Variants in FANCL observed in about 807,000 individuals in gnomAD.
The protein encoded by FANCL is E3 ubiquitin-protein ligase FANCL.
In FANCL, 69 loss-of-function variants were observed where a neutral mutation model predicts 59.4. The ratio of observed to expected loss-of-function variants is 1.16; its 90% confidence interval spans 0.96 to 1.42. The LOEUF (loss-of-function observed/expected upper bound fraction) is 1.42. FANCL is among the 40% of genes most tolerant of loss of function. The pLI is 0.00. For synonymous variants in FANCL, 180 were observed against 147.1 expected (o/e 1.22, Z -1.62); for missense variants, 519 against 447.2 (o/e 1.16, Z -1.45).
intron 9 of FANCL, 26 bp downstream of exon 9, chr2:58,163,408 A>G (rs1482113674): frequency 4.0e-6 from 6 of 1,489,900 alleles, no homozygotes; most frequent in South Asian, 1.1e-5. Context: ...CTCTATTAAA[A>G]AACGTTTAAA....
In FANCL at chr2:58,163,461, C is replaced by T; in HGVS notation, c.748G>A (p.Glu250Lys). 6.2e-7 allele frequency: 1 copy of T among 1,611,096 alleles called. No homozygotes were observed. The highest frequency in any genetic ancestry group is 1.7e-5 in the Admixed American group (1 of 59,930). ...VDPRHPTMLP[E>K]CFFLGADHVV... ...TGGTCAGCTCCAAGAAAGAAGCACT[C>T]AGGAAGCATAGTAGGATGCCTGGGG... The change falls in exon 9 of 14, where the codon GAG becomes AAG. Residue 250 changes from glutamate (E) to lysine (K), a missense_variant. Physicochemically the swap from Glu to Lys is moderately conservative, Grantham distance 56. Transcript: ENST00000233741.
At chr2:58,237,265 A>G in intron 1 of FANCL, among the ~76,000 whole-genome samples, 1 of 152,320 alleles carries the variant, frequency 6.6e-6, no homozygotes, top group East Asian at 1.9e-4. Context: ...TTTAAATCAT[A>G]CAAGTTATAT....
At chr2:58,169,405 C>A (rs114629764) in intron 7 of FANCL, among the ~76,000 whole-genome samples, 1,542 of 152,188 alleles carry the variant, frequency 0.01, 24 homozygotes, top group African/African-American at 0.034. Flanking sequence ...TGAAAGTCAA[C>A]AATATCAAAG....
chr2:58,195,027 A>G lies in FANCL; in HGVS notation c.540+3567T>C, dbSNP rs575522327. ...GCAGAAAGGGATTTTTAAAAAATCA[A>G]TTATCTGAAATCTATTTACCATCTC... On this transcript the variant is annotated intron_variant, in intron 7 of 13. Transcript: ENST00000233741. 3.3e-5 allele frequency among the ~76,000 whole-genome samples: 5 copies of G among 152,268 alleles called. No homozygotes were observed. The East Asian group carries it at 9.6e-4, about 29-fold the overall frequency.
At chr2:58,232,264 CAACACAAT>C in intron 1 of FANCL, 152 bp from the exon 2 acceptor site, 1 of 695,646 alleles carries the variant, frequency 1.4e-6, no homozygotes. Flanking sequence ...AAAATATATG[CAACACAAT>C]ATTGCATTTG....
chr2:58,173,143 G>C (rs1020483227), intron 7 of FANCL, among the ~76,000 whole-genome samples: 3 of 152,184 alleles, frequency 2.0e-5, no homozygotes, highest in African/African-American at 7.2e-5. Flanking sequence ...CATGTGAAAA[G>C]ACCAAACCTA....
chr2:58,190,712 G>T (rs1234345440), intron 7 of FANCL, among the ~76,000 whole-genome samples: 1 of 151,866 alleles, frequency 6.6e-6, no homozygotes, highest in South Asian at 2.1e-4. Context: ...GCTGCTAGCT[G>T]ACAATGTTAT....
intron 4 of FANCL, among the ~76,000 whole-genome samples, chr2:58,224,255 T>G (rs1490008518): frequency 6.6e-6 from 1 of 151,818 alleles, no homozygotes. Flanking sequence ...TAGTCTCTCC[T>G]TGTATTTGTA....
At chr2:58,166,701 C>T (rs11903456) in intron 7 of FANCL, among the ~76,000 whole-genome samples, 55,004 of 152,108 alleles carry the variant, frequency 0.36, 13,803 homozygotes, top group African/African-American at 0.72. Context: ...ATACTACAAA[C>T]GTTTTCAATC....
intron 5 of FANCL, among the ~76,000 whole-genome samples, chr2:58,206,736 G>A (rs1690623298): frequency 6.6e-6 from 1 of 152,134 alleles, no homozygotes; most frequent in Non-Finnish European, 1.5e-5. Flanking sequence ...AGCCAAAATG[G>A]CCATGAGGTT....
In FANCL at chr2:58,160,195, G is replaced by C; in HGVS notation, c.1021-16C>G. On this transcript the variant is annotated splice_polypyrimidine_tract_variant and intron_variant, in intron 12 of 13. Transcript: ENST00000233741. ...CTCTCAGCCACTGCAAATTTTAAAA[G>C]ATAAAGGAGAAGCGTCAGCATGATT... 1.9e-6 allele frequency: 3 copies of C among 1,611,200 alleles called. No homozygotes were observed. The highest frequency in any genetic ancestry group is 2.5e-6 in the Non-Finnish European group (3 of 1,177,646).
intron 12 of FANCL, among the ~76,000 whole-genome samples, chr2:58,160,844 A>C (rs556111114): frequency 6.6e-6 from 1 of 152,148 alleles, no homozygotes; most frequent in Admixed American, 6.5e-5. Context: ...CTCTAATCAC[A>C]AAAGTAAAGA....
Position 58,226,647 on chromosome 2 carries a change from T to C in FANCL, c.273+81A>G, listed in dbSNP as rs1040476406. The C allele has an allele frequency of 3.5e-5, 34 of 977,906 alleles. No homozygotes were observed. In the Admixed American group the frequency reaches 6.4e-4, roughly 18 times the overall value. The allele number at this position is 977,906 out of a possible 1,614,324, so 60.6% of individuals were successfully genotyped here. A position where few individuals can be genotyped will look rare whatever the true frequency, so the allele number is the denominator to read the frequency against. The stretch of plus-strand genomic sequence containing the variant: ...GAGTTAAGAAGACAAATTCTAATAA[T>C]GTCAGTTTTTAAAGGAGTTACAAAA... On this transcript the variant is annotated intron_variant, in intron 4 of 13. Coordinates refer to ENST00000233741, the MANE Select transcript of FANCL (RefSeq NM_018062.4).
At chr2:58,173,994 C>T (rs1686982631) in intron 7 of FANCL, among the ~76,000 whole-genome samples, 3 of 151,964 alleles carry the variant, frequency 2.0e-5, no homozygotes, top group Admixed American at 2.0e-4. Flanking sequence ...ATCCTAGTCT[C>T]TGATAAAACA....
intron 7 of FANCL, among the ~76,000 whole-genome samples, chr2:58,180,607 G>C (rs551962355): frequency 6.6e-6 from 1 of 152,042 alleles, no homozygotes; most frequent in African/African-American, 2.4e-5. Context: ...ACCTAATGTA[G>C]ATGTCGGGTT....
intron 6 of FANCL, among the ~76,000 whole-genome samples, chr2:58,201,246 GTAATTTACAACAACAAAA>G (rs1689988293): frequency 6.6e-6 from 1 of 151,292 alleles, no homozygotes; most frequent in Non-Finnish European, 1.5e-5. Context: ...CCTTTCAAAA[GTAATTTACAACAACAAAA>G]GCTCCATATC....
At chr2:58,222,310 C>T (rs1413382223) in intron 4 of FANCL, among the ~76,000 whole-genome samples, 1 of 100,278 alleles carries the variant, frequency 1.0e-5, no homozygotes, top group Non-Finnish European at 1.9e-5. Flanking sequence ...TTATGCCTAT[C>T]GGAGATAAAA....
intron 6 of FANCL, among the ~76,000 whole-genome samples, chr2:58,203,439 T>C (rs17049407): frequency 0.016 from 2,441 of 152,102 alleles, 81 homozygotes; most frequent in African/African-American, 0.057. Context: ...CCTGGTTTTC[T>C]TCAAATTCTC....
intron 7 of FANCL, among the ~76,000 whole-genome samples, chr2:58,174,989 GAGA>G (rs1183618257): frequency 1.3e-5 from 2 of 152,092 alleles, no homozygotes; most frequent in Non-Finnish European, 2.9e-5. Context: ...ACTACCATCA[GAGA>G]ATACTATAAA....
Sources: gnomAD v4.1 joint callset for allele counts (sites outside exome capture counted in the v4.1 genomes callset) on GRCh38, gnomAD v4.1.1 for gene constraint, MANE v1.5 for transcripts, NCBI Gene and HGNC (gene_info 2026-07-23, HGNC 2026-07-21) for gene names.